The following SPPL3 variants were observed in gnomAD, a reference collection of about 807,000 sequenced individuals.
SPPL3 encodes the protein signal peptide peptidase like 3.
SPPL3 carries 5 observed loss-of-function variants against 42.4 expected under a neutral mutation model. That is an observed-to-expected ratio of 0.12 (90% CI 0.06 to 0.25). The LOEUF (loss-of-function observed/expected upper bound fraction) is 0.25. Ranked by LOEUF, SPPL3 falls within the 10% of genes least tolerant of loss-of-function variation. The pLI, the probability that SPPL3 is intolerant of heterozygous loss-of-function variation, is 1.00. For missense variants in SPPL3, 235 were observed against 489.0 expected (o/e 0.48, Z 4.90); for synonymous variants, 195 against 181.8 (o/e 1.07, Z -0.58).
At chr12:120,806,575 G>A (rs1380869633) in intron 2 of SPPL3, among the ~76,000 whole-genome samples, 7 of 152,072 alleles carry the variant, frequency 4.6e-5, no homozygotes, top group East Asian at 1.9e-4. Context: ...AGAGCCAGGC[G>A]CGGTGGCTCA....
intron 1 of SPPL3, among the ~76,000 whole-genome samples, chr12:120,841,198 G>A (rs1452994344): frequency 2.0e-5 from 3 of 151,816 alleles, no homozygotes; most frequent in Non-Finnish European, 4.4e-5. Flanking sequence ...GGTGGTGCAT[G>A]CCTGTAACCC....
intron 1 of SPPL3, 105 bp downstream of exon 1, chr12:120,903,740 C>CA: frequency 1.4e-6 from 1 of 722,090 alleles, no homozygotes; most frequent in South Asian, 2.0e-5. Context: ...GCGCCCCCCC[C>CA]CCACGACACG....
chr12:120,898,058 T>C (rs1161668352), intron 1 of SPPL3, among the ~76,000 whole-genome samples: 2 of 152,080 alleles, frequency 1.3e-5, no homozygotes, highest in Admixed American at 6.6e-5. Context: ...ATGCCTATAA[T>C]ACCAGCACTT....
At chr12:120,768,837 A>G in intron 7 of SPPL3, 116 bp downstream of exon 7, 1 of 826,762 alleles carries the variant, frequency 1.2e-6, no homozygotes, top group East Asian at 2.7e-5. Context: ...CTGGAGAGAG[A>G]GTGATCAGCA....
In SPPL3 at chr12:120,763,800, CT is replaced by C. The variant is rs1868760162; in HGVS notation, c.*1198del. On this transcript the variant is annotated 3_prime_UTR_variant, in exon 11 of 11. Coordinates refer to ENST00000353487, the MANE Select transcript of SPPL3 (RefSeq NM_139015.5). The stretch of plus-strand genomic sequence containing the variant: ...CAACAGCAAGGACAGGATTGTGTTG[CT>C]TTTTTCCTTTTTTTTTTTCTTAAAG... 1.4e-5 allele frequency: 1 copy of C among 70,106 alleles called. No individual in the cohort carries two copies. The highest frequency in any genetic ancestry group is 8.7e-4 in the South Asian group (1 of 1,146). The allele number at this position is 70,106 out of a possible 1,614,324, so 4.3% of individuals were successfully genotyped here. A position where few individuals can be genotyped will look rare whatever the true frequency, so the allele number is the denominator to read the frequency against.
At chr12:120,781,450 A>C (rs1394622060) in intron 6 of SPPL3, among the ~76,000 whole-genome samples, 4 of 150,704 alleles carry the variant, frequency 2.7e-5, no homozygotes. Flanking sequence ...TCACGTACAT[A>C]ATGCAGGTTA....
rs1231258676 is a variant in SPPL3, at chr12:120,764,427, AG to A, written c.*571del. 1.3e-5 allele frequency: 2 copies of A among 154,218 alleles called. No individual in the cohort carries two copies. Among genetic ancestry groups the A allele is most frequent in the African/African-American group, 4.8e-5 (2 of 41,518 alleles). The allele number at this position is 154,218 out of a possible 1,614,324, so 9.6% of individuals were successfully genotyped here. On this transcript the variant is annotated 3_prime_UTR_variant, in exon 11 of 11. Transcript: ENST00000353487. Reference sequence around the variant, plus strand: ...AACAAATTCTTATGTGGATGTTGTAAGAAGTCACTCAATGTCTGTGGATTTA... The same window carrying A: ...AACAAATTCTTATGTGGATGTTGTAAAAGTCACTCAATGTCTGTGGATTTA...
intron 1 of SPPL3, among the ~76,000 whole-genome samples, chr12:120,820,741 T>C (rs944636001): frequency 5.9e-5 from 9 of 152,048 alleles, no homozygotes; most frequent in Non-Finnish European, 1.2e-4. Context: ...TGTTATGAAA[T>C]AAAAATTTAA....
At chr12:120,810,999 GA>G in intron 1 of SPPL3, 113 bp from the exon 2 acceptor site, 2 of 591,092 alleles carry the variant, frequency 3.4e-6, no homozygotes, top group South Asian at 3.1e-5. Context: ...CTTTAAGAAG[GA>G]AAAAAGGTAT....
chr12:120,851,554 T>C (rs1872225443), intron 1 of SPPL3, among the ~76,000 whole-genome samples: 1 of 152,142 alleles, frequency 6.6e-6, no homozygotes, highest in African/African-American at 2.4e-5. Flanking sequence ...CCACCACTTC[T>C]CAAATCTTAG....
intron 1 of SPPL3, among the ~76,000 whole-genome samples, chr12:120,843,669 C>G (rs929154216): frequency 6.6e-6 from 1 of 152,136 alleles, no homozygotes; most frequent in Non-Finnish European, 1.5e-5. Flanking sequence ...CATTTGTTCT[C>G]AGGCCAGGCG....
intron 2 of SPPL3, among the ~76,000 whole-genome samples, chr12:120,795,295 G>A (rs554331599): frequency 3.3e-5 from 5 of 152,190 alleles, no homozygotes; most frequent in African/African-American, 9.6e-5. Context: ...AACTTTTATC[G>A]ATGGATGTTC....
At chr12:120,869,551 T>C (rs1355970261) in intron 1 of SPPL3, among the ~76,000 whole-genome samples, 1 of 152,184 alleles carries the variant, frequency 6.6e-6, no homozygotes, top group Non-Finnish European at 1.5e-5. Context: ...CAAACAAAAA[T>C]GTTCTCATGA....
chr12:120,819,772 A>G (rs2137007980), intron 1 of SPPL3, among the ~76,000 whole-genome samples: 1 of 152,310 alleles, frequency 6.6e-6, no homozygotes, highest in East Asian at 1.9e-4. Flanking sequence ...AAAACTTAAC[A>G]AAAGAAACTT....
chr12:120,879,906 G>C (rs1384269219), intron 1 of SPPL3, among the ~76,000 whole-genome samples: 1 of 151,396 alleles, frequency 6.6e-6, no homozygotes, highest in African/African-American at 2.4e-5. Flanking sequence ...TTTCAATAAA[G>C]TTGCAATCTG....
intron 1 of SPPL3, among the ~76,000 whole-genome samples, chr12:120,865,699 G>A (rs755415567): frequency 2.0e-5 from 3 of 152,182 alleles, no homozygotes; most frequent in Admixed American, 6.5e-5. Context: ...CCCCAGGGAG[G>A]AGCCTACGCT....
chr12:120,851,367 T>C (rs1291193572), intron 1 of SPPL3, among the ~76,000 whole-genome samples: 2 of 152,018 alleles, frequency 1.3e-5, no homozygotes, highest in Non-Finnish European at 2.9e-5. Context: ...CAAACTGCAA[T>C]CTACCAAAAA....
At chr12:120,875,200 T>G (rs1313570026) in intron 1 of SPPL3, among the ~76,000 whole-genome samples, 1 of 152,170 alleles carries the variant, frequency 6.6e-6, no homozygotes, top group Non-Finnish European at 1.5e-5. Context: ...TTGGCAATAG[T>G]GTTGTTTTAA....
Position 120,782,685 on chromosome 12 carries a change from C to T in SPPL3, c.472G>A (p.Val158Ile). The change falls in exon 6 of 11, where the codon GTT becomes ATT. Residue 158 changes from valine (V) to isoleucine (I), a missense_variant. Physicochemically the swap from Val to Ile is conservative, Grantham distance 29. This residue lies in a region of SPPL3 where 110 missense variants were observed against 186.2 expected (regional missense o/e 0.59). Coordinates refer to ENST00000353487, the MANE Select transcript of SPPL3 (RefSeq NM_139015.5). ...ATGAGAAGCCAATGGCCAGTGAGAA[C>T]CCAGATGAGGACGAGCATGACAGAC... ...SLSVMLVLIWVLTGHWLLMDA... is the reference protein window; with the variant it reads ...SLSVMLVLIWILTGHWLLMDA... The T allele has an allele frequency of 6.2e-7, 1 of 1,611,684 alleles. No homozygotes were observed. Among genetic ancestry groups the T allele is most frequent in the Non-Finnish European group, 8.5e-7 (1 of 1,178,694 alleles).
Sources: gnomAD v4.1 joint callset for allele counts (sites outside exome capture counted in the v4.1 genomes callset) on GRCh38, gnomAD v4.1.1 for gene constraint, gnomAD v4.1.1 regional missense constraint, MANE v1.5 for transcripts, NCBI Gene and HGNC (gene_info 2026-07-23, HGNC 2026-07-21) for gene names.